Variants in SECISBP2L observed in about 807,000 individuals in gnomAD.
SECISBP2L encodes selenocysteine insertion sequence-binding protein 2-like.
In SECISBP2L, 43 loss-of-function variants were observed where a neutral mutation model predicts 114.7. The ratio of observed to expected loss-of-function variants is 0.38; its 90% CI spans 0.29 to 0.48. SECISBP2L has a LOEUF of 0.48. Ranked by LOEUF, SECISBP2L falls within the 20% of genes least tolerant of loss-of-function variation. The pLI is 0.98. For synonymous variants in SECISBP2L, 451 were observed against 439.7 expected, an observed-to-expected ratio of 1.03 and a Z score of -0.32; for missense variants, 1,136 against 1,301.1, an observed-to-expected ratio of 0.87 and a Z score of 1.95.
At chr15:49,011,656 C>T in intron 13 of SECISBP2L, 75 bp downstream of exon 13, 1 of 1,513,512 alleles carries the variant, frequency 6.6e-7, no homozygotes, top group Non-Finnish European at 9.0e-7. Flanking sequence ...GGAGCATTAA[C>T]TAGTGATAGC....
In SECISBP2L at chr15:49,000,940, T is replaced by A; in HGVS notation, c.2185A>T (p.Met729Leu). 1 of 1,613,854 alleles carries A rather than the reference T, an allele frequency of 6.2e-7. No homozygotes were observed. Among genetic ancestry groups the A allele is most frequent in the Non-Finnish European group, 8.5e-7 (1 of 1,179,870 alleles). ...ACACACTTGATCTTGTTTAACTTCA[T>A]ATGTTTGGTAACTTCTCTTAGACCC... Reference protein sequence around the residue: ...VMGLREVTKHMKLNKIKCVII... With the variant: ...VMGLREVTKHLKLNKIKCVII... Residue 729 changes from methionine to leucine, a missense_variant, in exon 15 of 18, where the codon ATG becomes TTG. This residue lies in a region of SECISBP2L where 684 missense variants were observed against 848.7 expected (regional missense o/e 0.81). Transcript: ENST00000559471.
chr15:49,031,037 C>CTTTTTT (rs373799142), intron 4 of SECISBP2L, among the ~76,000 whole-genome samples: 98 of 81,518 alleles, frequency 1.2e-3, no homozygotes, highest in East Asian at 3.1e-3. Flanking sequence ...TTATCATTTT[C>CTTTTTT]TTTTTTTTTT....
In SECISBP2L at chr15:48,991,766, A is replaced by G. The variant is rs1397765015; in HGVS notation, c.*478T>C. 1 of 153,360 alleles carries G rather than the reference A, an allele frequency of 6.5e-6. No individual in the cohort carries two copies. Among genetic ancestry groups the G allele is most frequent in the Non-Finnish European group, 1.5e-5 (1 of 68,914 alleles). The allele number at this position is 153,360 out of a possible 1,614,324, so 9.5% of individuals were successfully genotyped here. On this transcript the variant is annotated 3_prime_UTR_variant, in exon 18 of 18. Coordinates refer to ENST00000559471, the MANE Select transcript of SECISBP2L (RefSeq NM_001193489.2). Reference sequence around the variant, plus strand: ...AGTTGCATTGATTTTTTAACATACAACACTGGTGGACTTAGTTACCCTCAG... The same window carrying G: ...AGTTGCATTGATTTTTTAACATACAGCACTGGTGGACTTAGTTACCCTCAG...
rs1398579713 is a variant in SECISBP2L, at chr15:48,990,533, C to T, written c.*1711G>A. ...AGTATAAGAATGTCCCCTTTTAGCA[C>T]AATAATAAAGTTGATTGACTAACAT... On this transcript the variant is annotated 3_prime_UTR_variant, in exon 18 of 18. Transcript: ENST00000559471. 2.0e-5 allele frequency: 3 copies of T among 152,476 alleles called. No homozygotes were observed. Among genetic ancestry groups the T allele is most frequent in the Non-Finnish European group, 4.4e-5 (3 of 68,028 alleles). 9.4% of individuals were successfully genotyped at this position (152,476 alleles called of 1,614,324 possible).
intron 11 of SECISBP2L, among the ~76,000 whole-genome samples, chr15:49,015,864 A>G (rs1325136090): frequency 6.6e-6 from 1 of 152,208 alleles, no homozygotes; most frequent in African/African-American, 2.4e-5. Context: ...ATGCATATCA[A>G]CTGACATTTA....
intron 15 of SECISBP2L, 26 bp from the exon 16 acceptor site, chr15:49,000,013 C>A: frequency 6.2e-7 from 1 of 1,609,490 alleles, no homozygotes; most frequent in South Asian, 1.1e-5. Context: ...CATGCAGACG[C>A]CTTTAGTTGT....
At position 49,009,248 on chromosome 15, in the gene SECISBP2L, T is replaced by A. The variant is rs751706089; in HGVS notation, c.1995A>T (p.Thr665=). 4.3e-6 allele frequency: 7 copies of A among 1,614,022 alleles called. No individual in the cohort carries two copies. The African/African-American group carries it at 9.3e-5, about 22-fold the overall frequency. ...SGIGSPMASS[T]ITKIHSKRFR... is the part of the protein sequence containing the mutation. Reference sequence around the variant, plus strand: ...ATCTTTTGCTGTGGATTTTGGTTATTGTTGAAGATGCCATTGGACTGCCTA... The same window carrying A: ...ATCTTTTGCTGTGGATTTTGGTTATAGTTGAAGATGCCATTGGACTGCCTA... Residue 665 remains threonine (T), a synonymous_variant, in exon 14 of 18, where the codon ACA becomes ACT. Transcript: ENST00000559471.
chr15:49,045,180 T>C (rs1903217577), intron 1 of SECISBP2L, among the ~76,000 whole-genome samples: 1 of 152,116 alleles, frequency 6.6e-6, no homozygotes, highest in Non-Finnish European at 1.5e-5. Flanking sequence ...ATAAAGCTTT[T>C]TTTTAAAAAA....
rs759143150 is a variant in SECISBP2L at position 48,996,356 on chromosome 15, C to G, written c.2623+11G>C. On this transcript the variant is annotated intron_variant, in intron 17 of 17. Transcript: ENST00000559471. ...GGTTTAAGTCATTTAAAATAGTATT[C>G]AACAACTTACCATATTCCTTTTCAT... is the stretch of plus-strand genomic sequence containing the variant. The G allele has an allele frequency of 8.7e-6, 14 of 1,608,344 alleles. No individual in the cohort carries two copies. Among genetic ancestry groups the G allele is most frequent in the Non-Finnish European group, 1.2e-5 (14 of 1,175,290 alleles).
At chr15:49,011,665 G>C (rs2141068976) in intron 13 of SECISBP2L, 66 bp downstream of exon 13, 1 of 1,562,916 alleles carries the variant, frequency 6.4e-7, no homozygotes, top group East Asian at 2.3e-5. Flanking sequence ...ACTAGTGATA[G>C]CTTACGTATC....
At chr15:49,032,874 A>G in intron 4 of SECISBP2L, 91 bp downstream of exon 4, 1 of 1,484,076 alleles carries the variant, frequency 6.7e-7, no homozygotes, top group Non-Finnish European at 9.1e-7. Context: ...AAAGTCTACA[A>G]TTCTGACAAG....
At chr15:49,046,193 C>G (rs1903245785) in intron 1 of SECISBP2L, 83 bp downstream of exon 1, 2 of 1,495,546 alleles carry the variant, frequency 1.3e-6, no homozygotes, top group African/African-American at 2.8e-5. Context: ...CCCCGGTCCC[C>G]ACGTTCGGAG....
intron 7 of SECISBP2L, among the ~76,000 whole-genome samples, chr15:49,023,564 T>C (rs537054948): frequency 4.0e-4 from 61 of 152,356 alleles, no homozygotes; most frequent in Non-Finnish European, 7.5e-4. Flanking sequence ...ATTCTATACA[T>C]ACACATTTCT....
chr15:49,001,424 T>C (rs1902205992), intron 14 of SECISBP2L, among the ~76,000 whole-genome samples: 1 of 152,024 alleles, frequency 6.6e-6, no homozygotes, highest in Non-Finnish European at 1.5e-5. Flanking sequence ...ATCTGATAAA[T>C]TAACAAATAT....
intron 4 of SECISBP2L, among the ~76,000 whole-genome samples, chr15:49,030,280 C>T (rs1028923829): frequency 6.6e-6 from 1 of 152,170 alleles, no homozygotes; most frequent in Non-Finnish European, 1.5e-5. Flanking sequence ...TTGTTACCTG[C>T]TACTAGTGGA....
intron 1 of SECISBP2L, 122 bp from the exon 2 acceptor site, chr15:49,037,891 T>C (rs1182368958): frequency 6.3e-6 from 4 of 631,086 alleles, no homozygotes; most frequent in African/African-American, 3.7e-5. Flanking sequence ...TCAGCATTCA[T>C]AAAACATCCA....
At chr15:49,039,308 G>A (rs1171587719) in intron 1 of SECISBP2L, among the ~76,000 whole-genome samples, 1 of 151,966 alleles carries the variant, frequency 6.6e-6, no homozygotes, top group Non-Finnish European at 1.5e-5. Context: ...TTCACTCTGT[G>A]ATATTCATTA....
At chr15:49,045,495 T>A (rs968342755) in intron 1 of SECISBP2L, among the ~76,000 whole-genome samples, 8 of 152,114 alleles carry the variant, frequency 5.3e-5, no homozygotes, top group Non-Finnish European at 1.2e-4. Context: ...TGGAAAATAC[T>A]GGGGGGGAAA....
In SECISBP2L at chr15:48,988,704, G is replaced by A. The variant is rs980481389; in HGVS notation, c.*3540C>T. The stretch of plus-strand genomic sequence containing the variant: ...ACTAGTATTTACATAGTGCAAAAAA[G>A]CTGTTATTACCCCCCAAATGTGATA... On this transcript the variant is annotated 3_prime_UTR_variant, in exon 18 of 18. Coordinates refer to ENST00000559471, the MANE Select transcript of SECISBP2L (RefSeq NM_001193489.2). 1.9e-5 allele frequency: 8 copies of A among 426,674 alleles called. No homozygotes were observed. Among genetic ancestry groups the A allele is most frequent in the African/African-American group, 1.6e-4 (8 of 48,986 alleles). The allele number at this position is 426,674 out of a possible 1,614,324, so 26.4% of individuals were successfully genotyped here. A position where few individuals can be genotyped will look rare whatever the true frequency, so the allele number is the denominator to read the frequency against.
Sources: allele counts gnomAD v4.1 joint callset (sites outside exome capture counted in the v4.1 genomes callset), GRCh38; gene constraint gnomAD v4.1.1; regional missense constraint gnomAD v4.1.1; transcripts MANE v1.5; gene names NCBI Gene and HGNC (gene_info 2026-07-23, HGNC 2026-07-21).